Variants in ACTR3C observed in about 807,000 individuals in gnomAD.
ACTR3C encodes the protein actin-related protein 3C.
A neutral mutation model predicts 26.3 loss-of-function variants in ACTR3C; 18 were observed. The ratio of observed to expected loss-of-function variants is 0.68; its 90% confidence interval spans 0.47 to 1.01. The LOEUF is 1.01. Among genes scored for constraint, ACTR3C ranks in the 50% least tolerant of loss-of-function variants. The pLI, the probability that ACTR3C is intolerant of heterozygous loss-of-function variation, is 0.00. For synonymous variants in ACTR3C, 55 were observed against 94.5 expected (o/e 0.58, Z 2.42); for missense variants, 184 against 250.7 (o/e 0.73, Z 1.80).
the ACTR3C span, among the ~76,000 whole-genome samples, chr7:150,051,799 T>C: frequency 6.6e-6 from 1 of 151,538 alleles, no homozygotes; most frequent in African/African-American, 2.4e-5. Flanking sequence ...ATATGTTGGA[T>C]AGTCATTTTT....
the ACTR3C span, among the ~76,000 whole-genome samples, chr7:150,205,342 T>C: frequency 6.6e-6 from 1 of 152,208 alleles, no homozygotes; most frequent in African/African-American, 2.4e-5. Context: ...TAGAGCTTAT[T>C]TGATTGCAAG....
the ACTR3C span, among the ~76,000 whole-genome samples, chr7:150,172,088 G>T: frequency 2.0e-5 from 3 of 150,766 alleles, no homozygotes; most frequent in Non-Finnish European, 4.4e-5. Context: ...AGGATTACAG[G>T]CGTAAGCCAC....
the ACTR3C span, among the ~76,000 whole-genome samples, chr7:150,083,120 A>C: frequency 6.7e-6 from 1 of 149,606 alleles, no homozygotes; most frequent in Non-Finnish European, 1.5e-5. Flanking sequence ...TAAGTTTTTG[A>C]ATTTTCTTTT....
the ACTR3C span, chr7:149,891,455 GA>G: frequency 9.0e-5 from 52 of 579,974 alleles, no homozygotes; most frequent in Admixed American, 9.0e-4. Context: ...ACAGCATTTG[GA>G]AAAAAAAGAT....
the ACTR3C span, among the ~76,000 whole-genome samples, chr7:149,978,280 G>C: frequency 6.6e-6 from 1 of 152,094 alleles, no homozygotes; most frequent in African/African-American, 2.4e-5. Context: ...ATTCAGGGCA[G>C]GGGTTCATGG....
the ACTR3C span, among the ~76,000 whole-genome samples, chr7:150,160,362 T>C: frequency 2.1e-3 from 318 of 152,248 alleles, no homozygotes; most frequent in African/African-American, 7.4e-3. Context: ...AAAGAAACTC[T>C]TTCCTTTATT....
At chr7:150,078,950 G>A in the ACTR3C span, among the ~76,000 whole-genome samples, 2 of 152,276 alleles carry the variant, frequency 1.3e-5, no homozygotes, top group South Asian at 4.2e-4. Flanking sequence ...GGATGAGTGA[G>A]CTGATGGAAC....
chr7:150,204,635 C>T, the ACTR3C span, among the ~76,000 whole-genome samples: 1 of 152,228 alleles, frequency 6.6e-6, no homozygotes, highest in Non-Finnish European at 1.5e-5. Flanking sequence ...TCTCATCTCT[C>T]CTCCCCCTGA....
chr7:150,120,355 A>G, the ACTR3C span, among the ~76,000 whole-genome samples: 2 of 152,216 alleles, frequency 1.3e-5, no homozygotes, highest in African/African-American at 4.8e-5. Context: ...ATAAAGAAGA[A>G]AAGAGAAAAG....
chr7:150,036,415 T>C, the ACTR3C span, among the ~76,000 whole-genome samples: 10 of 146,862 alleles, frequency 6.8e-5, no homozygotes, highest in Non-Finnish European at 1.4e-4. Context: ...CCAGCTGCCA[T>C]CTTTTCTCTC....
the ACTR3C span, among the ~76,000 whole-genome samples, chr7:150,218,769 T>C: frequency 0.087 from 11,340 of 130,196 alleles, 674 homozygotes; most frequent in East Asian, 0.23. Flanking sequence ...GCCACTTTAA[T>C]ACTGGAGCCA....
the ACTR3C span, among the ~76,000 whole-genome samples, chr7:150,158,744 G>A: frequency 6.6e-6 from 1 of 152,148 alleles, no homozygotes; most frequent in Non-Finnish European, 1.5e-5. Flanking sequence ...ACTGTATTGT[G>A]TACTTGGAAT....
intron 1 of ACTR3C, among the ~76,000 whole-genome samples, chr7:150,320,975 A>G (rs1349207558): frequency 6.6e-6 from 1 of 152,276 alleles, no homozygotes; most frequent in Non-Finnish European, 1.5e-5. Flanking sequence ...TCACTCTTTG[A>G]CTAAACTTGA....
chr7:150,016,754 G>A, the ACTR3C span, among the ~76,000 whole-genome samples: 3 of 152,184 alleles, frequency 2.0e-5, no homozygotes, highest in East Asian at 5.8e-4. Flanking sequence ...ATACCATAGG[G>A]AAAAGCATAT....
chr7:150,210,827 G>C, the ACTR3C span, among the ~76,000 whole-genome samples: 2,783 of 139,838 alleles, frequency 0.02, 86 homozygotes, highest in African/African-American at 0.084. Context: ...CGTTTTCACG[G>C]GTATGCACAT....
chr7:150,290,519 A>T (rs1479805929), intron 3 of ACTR3C, among the ~76,000 whole-genome samples: 2 of 152,082 alleles, frequency 1.3e-5, no homozygotes, highest in African/African-American at 2.4e-5. Flanking sequence ...ACAGCACATC[A>T]CAGCTTCTGT....
the ACTR3C span, among the ~76,000 whole-genome samples, chr7:150,170,934 AC>A: frequency 1.4e-5 from 2 of 140,092 alleles, no homozygotes; most frequent in Admixed American, 1.4e-4. Flanking sequence ...GAATATAATA[AC>A]CCTAAATGTT....
chr7:150,144,497 T>C, the ACTR3C span, among the ~76,000 whole-genome samples: 1 of 152,114 alleles, frequency 6.6e-6, no homozygotes, highest in African/African-American at 2.4e-5. This position sits in a 1 kb window ranked among gnomAD's most constrained non-coding sequence, Gnocchi z 4.6. Flanking sequence ...GCTAAATGCA[T>C]GTAAACAATT....
At chr7:150,273,975 G>A (rs1834653147) in intron 6 of ACTR3C, among the ~76,000 whole-genome samples, 2 of 152,178 alleles carry the variant, frequency 1.3e-5, no homozygotes, top group African/African-American at 4.8e-5. Context: ...GCATGGGCCA[G>A]GAGTGTTCTA....
Sources: allele counts gnomAD v4.1 joint callset (sites outside exome capture counted in the v4.1 genomes callset), GRCh38; gene constraint gnomAD v4.1.1; non-coding constraint Gnocchi (gnomAD v3.1); transcripts MANE v1.5; gene names NCBI Gene and HGNC (gene_info 2026-07-23, HGNC 2026-07-21).